EGFLAM: variants seen among roughly 807,000 people sequenced by gnomAD.
EGFLAM encodes EGF like, fibronectin type III and laminin G domains.
A neutral mutation model predicts 113.1 loss-of-function variants in EGFLAM; 79 were observed. That is an observed-to-expected ratio of 0.70 (90% confidence interval 0.58 to 0.84). The LOEUF (loss-of-function observed/expected upper bound fraction) is 0.84. Ranked by LOEUF, EGFLAM falls within the 40% of genes least tolerant of loss-of-function variation. The pLI is 0.00. For synonymous variants in EGFLAM, 504 were observed against 487.6 expected (o/e 1.03, Z -0.44); for missense variants, 1,265 against 1,291.6 (o/e 0.98, Z 0.32).
chr5:38,457,325 C>A (rs1743121718), intron 19 of EGFLAM, among the ~76,000 whole-genome samples: 1 of 152,182 alleles, frequency 6.6e-6, no homozygotes, highest in Non-Finnish European at 1.5e-5. Context: ...AGTGGGCTCT[C>A]TCACAGTTCT....
chr5:38,307,966 CTCAGTTTGTT>C (rs1281628231), intron 1 of EGFLAM, among the ~76,000 whole-genome samples: 2 of 152,188 alleles, frequency 1.3e-5, no homozygotes, highest in African/African-American at 2.4e-5. Context: ...ACTCTTGGGT[CTCAGTTTGTT>C]TCAGTTTGTT....
chr5:38,283,169 A>G (rs1292227483), intron 1 of EGFLAM, among the ~76,000 whole-genome samples: 1 of 152,168 alleles, frequency 6.6e-6, no homozygotes, highest in Non-Finnish European at 1.5e-5. Flanking sequence ...AAAAATTTAC[A>G]TCACAGTACA....
rs370292568 is a variant in EGFLAM at position 38,463,789 on chromosome 5, C to T, written c.2876-43C>T. On this transcript the variant is annotated intron_variant, in intron 21 of 21. Coordinates refer to ENST00000322350, the MANE Select transcript of EGFLAM (RefSeq NM_152403.4). ...GAACCCCGACCTTGCCCTGCGGACA[C>T]CTGTCCTTTGGCTCACCTCATCTCC... 20 of 1,604,980 alleles carry T rather than the reference C, an allele frequency of 1.2e-5. No homozygotes were observed. The African/African-American group carries it at 2.4e-4, about 19-fold the overall frequency.
intron 3 of EGFLAM, among the ~76,000 whole-genome samples, chr5:38,344,911 T>A (rs1739436547): frequency 6.6e-6 from 1 of 152,148 alleles, no homozygotes; most frequent in South Asian, 2.1e-4. Context: ...GGACCACACT[T>A]GGAAAGGAGG....
At chr5:38,287,555 A>T (rs1463140604) in intron 1 of EGFLAM, among the ~76,000 whole-genome samples, 1 of 152,126 alleles carries the variant, frequency 6.6e-6, no homozygotes, top group Non-Finnish European at 1.5e-5. Flanking sequence ...TATTTTTTGT[A>T]CAGATTGGGC....
chr5:38,458,452 G>A (rs373222472), intron 20 of EGFLAM, 58 bp downstream of exon 20: 5 of 1,552,766 alleles, frequency 3.2e-6, no homozygotes, highest in Non-Finnish European at 4.4e-6. Context: ...GGGATGTGGT[G>A]TCCAGTTCCC....
At chr5:38,346,619 C>T (rs1739478126) in intron 3 of EGFLAM, 1 of 152,232 alleles carries the variant, frequency 6.6e-6, no homozygotes, top group Non-Finnish European at 1.5e-5. Flanking sequence ...GTGATATCTA[C>T]AATACTGTCT....
At chr5:38,301,261 G>T (rs1272766145) in intron 1 of EGFLAM, among the ~76,000 whole-genome samples, 1 of 152,096 alleles carries the variant, frequency 6.6e-6, no homozygotes, top group Non-Finnish European at 1.5e-5. Flanking sequence ...ACCAGGAGAG[G>T]GTTTCCCAAG....
intron 4 of EGFLAM, among the ~76,000 whole-genome samples, chr5:38,351,782 A>G (rs368547405): frequency 1.3e-5 from 2 of 152,214 alleles, no homozygotes; most frequent in African/African-American, 2.4e-5. Flanking sequence ...TAAGCATTCA[A>G]TTTTCCTTGA....
chr5:38,318,723 C>T (rs965832267), intron 1 of EGFLAM, among the ~76,000 whole-genome samples: 4 of 152,108 alleles, frequency 2.6e-5, no homozygotes, highest in African/African-American at 4.8e-5. Context: ...CAGGCTGGCT[C>T]GAACTCCTGA....
chr5:38,444,598 AT>A (rs899891881), intron 17 of EGFLAM, among the ~76,000 whole-genome samples: 1 of 152,124 alleles, frequency 6.6e-6, no homozygotes, highest in African/African-American at 2.4e-5. Context: ...TGTCAATTAA[AT>A]TTTTTTCAAT....
chr5:38,380,551 C>T lies in EGFLAM; in HGVS notation c.712+10089C>T, dbSNP rs184082088. 6.6e-5 allele frequency among the ~76,000 whole-genome samples: 10 copies of T among 152,226 alleles called. No individual in the cohort carries two copies. The South Asian group carries it at 1.0e-3, about 16-fold the overall frequency. ...TTCATGGATTTGTAAATCTTTAGAA[C>T]GTGAGATGAAAAAGGGAACAGTAGG... On this transcript the variant is annotated intron_variant, in intron 6 of 21. Transcript: ENST00000322350.
chr5:38,313,091 C>CA (rs921012336), intron 1 of EGFLAM, among the ~76,000 whole-genome samples: 26 of 150,914 alleles, frequency 1.7e-4, no homozygotes, highest in Non-Finnish European at 1.3e-4. Flanking sequence ...GACTCTGTCT[C>CA]AAAAAAAATA....
At chr5:38,347,981 T>A (rs1028082226) in intron 3 of EGFLAM, among the ~76,000 whole-genome samples, 1 of 151,580 alleles carries the variant, frequency 6.6e-6, no homozygotes, top group African/African-American at 2.4e-5. Context: ...AGGTAACTGA[T>A]GAGATGGTGG....
At chr5:38,429,031 A>G (rs1027443533) in intron 14 of EGFLAM, among the ~76,000 whole-genome samples, 1 of 152,232 alleles carries the variant, frequency 6.6e-6, no homozygotes, top group Non-Finnish European at 1.5e-5. Flanking sequence ...AACCATTTCA[A>G]AGACTTCTTG....
chr5:38,320,913 A>G (rs1421166563), intron 1 of EGFLAM, among the ~76,000 whole-genome samples: 1 of 152,148 alleles, frequency 6.6e-6, no homozygotes. Flanking sequence ...ACTGTGGACT[A>G]TAACATCTGC....
At chr5:38,374,135 AT>A (rs925640306) in intron 6 of EGFLAM, among the ~76,000 whole-genome samples, 3 of 151,964 alleles carry the variant, frequency 2.0e-5, no homozygotes, top group African/African-American at 7.3e-5. Flanking sequence ...GATGCTGACT[AT>A]TTTTTCTTGA....
chr5:38,448,204 C>G, intron 17 of EGFLAM, 97 bp from the exon 18 acceptor site: 1 of 1,292,152 alleles, frequency 7.7e-7, no homozygotes, highest in Non-Finnish European at 1.1e-6. Flanking sequence ...GTTAAACATC[C>G]TATTTCCAGG....
intron 20 of EGFLAM, 83 bp downstream of exon 20, chr5:38,458,477 T>C: frequency 7.3e-7 from 1 of 1,369,028 alleles, no homozygotes; most frequent in Non-Finnish European, 1.0e-6. Context: ...AGTCCCACTG[T>C]CCTGTTCCCC....
Sources: allele counts gnomAD v4.1 joint callset (sites outside exome capture counted in the v4.1 genomes callset), GRCh38; gene constraint gnomAD v4.1.1; transcripts MANE v1.5; gene names NCBI Gene and HGNC (gene_info 2026-07-23, HGNC 2026-07-21).